The following BAG5 variants were observed in gnomAD, a reference collection of about 807,000 sequenced individuals.
BAG5 encodes the protein BAG cochaperone 5.
A neutral mutation model predicts 31.8 loss-of-function variants in BAG5; 25 were observed. That is an observed-to-expected ratio of 0.79 (90% CI 0.57 to 1.10). The LOEUF is 1.10. Ranked by LOEUF, BAG5 falls within the 50% of genes least tolerant of loss-of-function variation. The probability of loss-of-function intolerance (pLI) is 0.00; values close to 1 mark genes in which losing one functional copy is unlikely to be tolerated. For synonymous variants in BAG5, 208 were observed against 205.0 expected (o/e 1.01, Z -0.13); for missense variants, 491 against 527.9 (o/e 0.93, Z 0.68).
intron 1 of BAG5, chr14:103,561,866 AAAC>A (rs1321113927): frequency 4.1e-6 from 6 of 1,478,792 alleles, no homozygotes; most frequent in Non-Finnish European, 5.7e-6. Flanking sequence ...TCTCAAAAAA[AAAC>A]AACCCGCGAA....
Position 103,559,703 on chromosome 14 carries a change from T to C in BAG5, c.*118A>G. On this transcript the variant is annotated 3_prime_UTR_variant, in exon 2 of 2. Transcript: ENST00000299204. ...GCAGCAGATACTGAATAGAATTTGC[T>C]TCAATCATAAATACTGAGACTGAAA... The C allele has an allele frequency of 7.8e-7, 1 of 1,288,236 alleles. No individual in the cohort carries two copies. The highest frequency in any genetic ancestry group is 1.1e-6 in the Non-Finnish European group (1 of 943,974). 79.8% of individuals were successfully genotyped at this position (1,288,236 alleles called of 1,614,324 possible).
At chr14:103,562,077 G>T (rs910605508) in intron 1 of BAG5, 27 of 1,029,244 alleles carry the variant, frequency 2.6e-5, no homozygotes, top group Admixed American at 1.2e-4. Context: ...TCCCCGCCTC[G>T]CCCTTCCCTC....
At chr14:103,561,681 C>T (rs2076075867) in intron 1 of BAG5, 1 of 531,884 alleles carries the variant, frequency 1.9e-6, no homozygotes. Flanking sequence ...CTCTCCATCC[C>T]TTTGTGCACT....
rs1256803195 is a variant in BAG5, at chr14:103,559,596, C to A, written c.*225G>T. ...AACGCAAAAAAAAGGACAAACCAAA[C>A]AAACCACACCACATCATACAGATAA... On this transcript the variant is annotated 3_prime_UTR_variant, in exon 2 of 2. Transcript: ENST00000299204. 8 of 519,200 alleles carry A rather than the reference C, an allele frequency of 1.5e-5. No homozygotes were observed. The East Asian group carries it at 2.4e-4, about 15-fold the overall frequency. The allele number at this position is 519,200 out of a possible 1,614,324, so 32.2% of individuals were successfully genotyped here.
chr14:103,561,782 C>A lies in BAG5; in HGVS notation c.-28-590G>T, dbSNP rs544650547. ...AACCCCACAGGTAAAGAAGAGCGAC[C>A]GGGACAGCGCTGAAGGGCACCACCT... is the stretch of plus-strand genomic sequence containing the variant. On this transcript the variant is annotated intron_variant, in intron 1 of 1. Coordinates refer to ENST00000299204, the MANE Select transcript of BAG5 (RefSeq NM_001015048.3). The A allele has an allele frequency of 2.1e-5, 14 of 656,214 alleles. No individual in the cohort carries two copies. The African/African-American group carries it at 2.4e-4, about 11-fold the overall frequency. The allele number at this position is 656,214 out of a possible 1,614,324, so 40.6% of individuals were successfully genotyped here.
chr14:103,561,947 T>C lies in BAG5; in HGVS notation c.-29+669A>G, dbSNP rs781160077. ...GGAGTCCACAATGGCCTAATGCACGTTTCAAGCTCTTGGTTTCTATCAAAC... is the reference window on the plus strand; with the variant it reads ...GGAGTCCACAATGGCCTAATGCACGCTTCAAGCTCTTGGTTTCTATCAAAC... On this transcript the variant is annotated intron_variant, in intron 1 of 1. Coordinates refer to ENST00000299204, the MANE Select transcript of BAG5 (RefSeq NM_001015048.3). 1.4e-5 allele frequency: 22 copies of C among 1,613,712 alleles called. No individual in the cohort carries two copies. The South Asian group carries it at 2.4e-4, about 18-fold the overall frequency.
At chr14:103,562,168 C>T (rs752145812) in intron 1 of BAG5, 5 of 625,260 alleles carry the variant, frequency 8.0e-6, no homozygotes, top group East Asian at 2.8e-5. Flanking sequence ...GAAGATCAGC[C>T]CTTTACGGGG....
In BAG5 at chr14:103,560,510, C is replaced by T; in HGVS notation, c.655G>A (p.Val219Met). The change falls in exon 2 of 2, where the codon GTG becomes ATG. Residue 219 changes from valine to methionine, a missense_variant. Coordinates refer to ENST00000299204, the MANE Select transcript of BAG5 (RefSeq NM_001015048.3). ...AGGTCAGCGATCAGCCCCGAGAGCA[C>T]ACAGGATAAGTGCCTGCAGGTCTCA... ...NNETCRHLSC[V>M]LSGLIADLDA... 6.2e-7 allele frequency: 1 copy of T among 1,614,118 alleles called. No individual in the cohort carries two copies. Among genetic ancestry groups the T allele is most frequent in the Non-Finnish European group, 8.5e-7 (1 of 1,180,044 alleles).
rs775357900 is a variant in BAG5 at position 103,559,923 on chromosome 14, C to A, written c.1242G>T (p.Pro414=). The A allele has an allele frequency of 1.9e-6, 3 of 1,614,098 alleles. No homozygotes were observed. Among genetic ancestry groups the A allele is most frequent in the Admixed American group, 1.7e-5 (1 of 60,006 alleles). The change falls in exon 2 of 2, where the codon CCG becomes CCT. Residue 414 remains proline, a synonymous_variant. Coordinates refer to ENST00000299204, the MANE Select transcript of BAG5 (RefSeq NM_001015048.3). ...CAGCCTTACACTTCTCTTCTCCCTG[C>A]GGATCAACAGCATCCAGGGCTAGCA... ...KQLLALDAVD[P]QGEEKCKAAR...
rs2076053548 is a variant in BAG5, at chr14:103,558,975, C to CT, written c.*845dup. On this transcript the variant is annotated 3_prime_UTR_variant, in exon 2 of 2. Transcript: ENST00000299204. ...TGGTAACCCGTCTCCAGTATTCATC[C>CT]TCCAACTACAGGTATGAGTGTTTCC... The CT allele has an allele frequency of 6.6e-6, 1 of 151,196 alleles. No homozygotes were observed. Among genetic ancestry groups the CT allele is most frequent in the Non-Finnish European group, 1.5e-5 (1 of 67,870 alleles). The allele number at this position is 151,196 out of a possible 1,614,324, so 9.4% of individuals were successfully genotyped here.
intron 1 of BAG5, chr14:103,562,014 TC>T: frequency 6.2e-7 from 1 of 1,606,424 alleles, no homozygotes; most frequent in Non-Finnish European, 8.5e-7. Flanking sequence ...GCATAATCTA[TC>T]CCCGGCGGAT....
Position 103,559,658 on chromosome 14 carries a change from T to C in BAG5, c.*163A>G, listed in dbSNP as rs1335203367. 6 of 766,720 alleles carry C rather than the reference T, an allele frequency of 7.8e-6. No homozygotes were observed. Among genetic ancestry groups the C allele is most frequent in the Non-Finnish European group, 1.2e-5 (6 of 489,760 alleles). 47.5% of individuals were successfully genotyped at this position (766,720 alleles called of 1,614,324 possible). On this transcript the variant is annotated 3_prime_UTR_variant, in exon 2 of 2. Transcript: ENST00000299204. ...GAAAAGTTAACGTGCTGTAATGATA[T>C]TTGTCTTGCAACATCAAAAGCAGCA...
In BAG5 at chr14:103,559,872, C is replaced by A. The variant is rs766747981; in HGVS notation, c.1293G>T (p.Ala431=). 1 of 1,614,116 alleles carries A rather than the reference C, an allele frequency of 6.2e-7. No individual in the cohort carries two copies. The highest frequency in any genetic ancestry group is 1.1e-5 in the South Asian group (1 of 91,092). The stretch of plus-strand genomic sequence containing the variant: ...GGTCGAGATAGCTGAGAATATTCTG[C>A]GCAAGCCTCACAGCTTGTTTCCTGG... ...KAARKQAVRL[A]QNILSYLDLK... Residue 431 remains alanine, a synonymous_variant, in exon 2 of 2, where the codon GCG becomes GCT. Transcript: ENST00000299204.
chr14:103,562,345 G>A (rs555014783), intron 1 of BAG5: 23 of 306,040 alleles, frequency 7.5e-5, no homozygotes, highest in South Asian at 6.9e-4. Context: ...ATGGGCGCGC[G>A]AGGGGAGCTC....
Position 103,561,635 on chromosome 14 carries a change from C to T in BAG5, c.-28-443G>A, listed in dbSNP as rs1332270772. ...AAAGAACCAGAACAAAAACCAGTGGCTCTCAGACATCCCCAAGGTCCCCGC... is the reference window on the plus strand; with the variant it reads ...AAAGAACCAGAACAAAAACCAGTGGTTCTCAGACATCCCCAAGGTCCCCGC... On this transcript the variant is annotated intron_variant, in intron 1 of 1. Transcript: ENST00000299204. 5 of 453,534 alleles carry T rather than the reference C, an allele frequency of 1.1e-5. No individual in the cohort carries two copies. In the Admixed American group the frequency reaches 1.6e-4, roughly 14 times the overall value. 28.1% of individuals were successfully genotyped at this position (453,534 alleles called of 1,614,324 possible). A position where few individuals can be genotyped will look rare whatever the true frequency, so the allele number is the denominator to read the frequency against.
intron 1 of BAG5, chr14:103,562,208 A>G: frequency 1.7e-6 from 1 of 589,888 alleles, no homozygotes; most frequent in Non-Finnish European, 3.0e-6. Context: ...CCCCAGCTGC[A>G]TGCCTCGCAC....
Position 103,560,441 on chromosome 14 carries a change from G to A in BAG5, c.724C>T (p.Arg242Trp), listed in dbSNP as rs372348583. The A allele has an allele frequency of 9.3e-6, 15 of 1,613,770 alleles. No individual in the cohort carries two copies. The East Asian group carries it at 2.0e-4, about 22-fold the overall frequency. ...VCGRTEIRNY[R>W]REVVEDINKL... ...TTGATATCTTCTACTACCTCCCTCC[G>A]ATAATTTCTGATTTCTGTCCGGCCG... Residue 242 changes from arginine to tryptophan, a missense_variant, in exon 2 of 2, where the codon CGG becomes TGG. Transcript: ENST00000299204.
rs373142750 is a variant in BAG5, at chr14:103,560,760, T to C, written c.405A>G (p.Thr135=). ...AGATTTTTCCTCCAGTTTTAACATG[T>C]GTCAGCCTCAGAATGATATCTTGGA... ...EGIQDIILRL[T]HVKTGGKISL... The change falls in exon 2 of 2, where the codon ACA becomes ACG. Residue 135 remains threonine (T), a synonymous_variant. Transcript: ENST00000299204. 3 of 1,614,130 alleles carry C rather than the reference T, an allele frequency of 1.9e-6. No homozygotes were observed. Among genetic ancestry groups the C allele is most frequent in the Non-Finnish European group, 2.5e-6 (3 of 1,180,042 alleles).
chr14:103,559,778 A>G lies in BAG5; in HGVS notation c.*43T>C, dbSNP rs1374335736. ...GAAAGCTCTCTATACATAGAAGCAC[A>G]TATGAAGTGCAAAACAGTATCAAAA... On this transcript the variant is annotated 3_prime_UTR_variant, in exon 2 of 2. Transcript: ENST00000299204. 3.2e-6 allele frequency: 5 copies of G among 1,582,512 alleles called. No individual in the cohort carries two copies. In the Admixed American group the frequency reaches 5.2e-5, roughly 16 times the overall value.
Sources: gnomAD v4.1 joint callset for allele counts on GRCh38, gnomAD v4.1.1 for gene constraint, MANE v1.5 for transcripts, NCBI Gene and HGNC (gene_info 2026-07-23, HGNC 2026-07-21) for gene names.